The following CGNL1 variants were observed in gnomAD, a reference collection of about 807,000 sequenced individuals.
CGNL1 encodes the protein cingulin like 1, also known as cingulin-like protein 1.
In CGNL1, 132 loss-of-function variants were observed where a neutral mutation model predicts 141.2. That is an observed-to-expected ratio of 0.93 (90% CI 0.81 to 1.08). The LOEUF is 1.08. CGNL1 is among the 50% of genes least tolerant of loss of function. The probability of loss-of-function intolerance (pLI) is 0.00; values close to 1 mark genes in which losing one functional copy is unlikely to be tolerated. For synonymous variants in CGNL1, 690 were observed against 622.1 expected, an observed-to-expected ratio of 1.11 and a Z score of -1.63; for missense variants, 1,870 against 1,588.6, an observed-to-expected ratio of 1.18 and a Z score of -3.01.
intron 13 of CGNL1, among the ~76,000 whole-genome samples, chr15:57,530,487 T>G (rs1223618126): frequency 2.6e-5 from 4 of 152,216 alleles, no homozygotes; most frequent in Non-Finnish European, 5.9e-5. Context: ...AAATTAATTT[T>G]CAAGACTCAA....
At chr15:57,391,510 A>G (rs1456143865) in intron 1 of CGNL1, among the ~76,000 whole-genome samples, 2 of 152,192 alleles carry the variant, frequency 1.3e-5, no homozygotes, top group Admixed American at 1.3e-4. Context: ...ACATGTGCTG[A>G]GTGTGGGATT....
intron 8 of CGNL1, among the ~76,000 whole-genome samples, chr15:57,507,511 T>C (rs1432078254): frequency 6.6e-6 from 1 of 152,176 alleles, no homozygotes; most frequent in Non-Finnish European, 1.5e-5. Flanking sequence ...TGAGTTGCCA[T>C]AGGAAAAACT....
At chr15:57,399,861 T>C (rs573276755) in intron 1 of CGNL1, among the ~76,000 whole-genome samples, 1 of 152,252 alleles carries the variant, frequency 6.6e-6, no homozygotes, top group African/African-American at 2.4e-5. Context: ...CATGAAAACT[T>C]AGACACTAAA....
intron 8 of CGNL1, among the ~76,000 whole-genome samples, chr15:57,501,552 G>C (rs1336733933): frequency 6.6e-6 from 1 of 152,258 alleles, no homozygotes. Context: ...CATGGGATGG[G>C]CTGAGAGGTG....
chr15:57,484,425 A>G (rs1283564403), intron 8 of CGNL1, among the ~76,000 whole-genome samples: 1 of 152,110 alleles, frequency 6.6e-6, no homozygotes, highest in Non-Finnish European at 1.5e-5. Context: ...CTGTGGTAAT[A>G]TATCTTGTTT....
intron 1 of CGNL1, among the ~76,000 whole-genome samples, chr15:57,377,450 G>A (rs2062377246): frequency 6.6e-6 from 1 of 152,140 alleles, no homozygotes; most frequent in South Asian, 2.1e-4. Flanking sequence ...AGACGCCGCA[G>A]GTGATTCTAA....
intron 1 of CGNL1, among the ~76,000 whole-genome samples, chr15:57,419,385 T>G (rs1417598140): frequency 6.6e-6 from 1 of 152,268 alleles, no homozygotes; most frequent in Non-Finnish European, 1.5e-5. Flanking sequence ...ACATTTTTGA[T>G]AAATTATTAT....
chr15:57,440,582 G>C, intron 3 of CGNL1, 111 bp downstream of exon 3: 2 of 814,316 alleles, frequency 2.5e-6, no homozygotes, highest in Non-Finnish European at 4.0e-6. Context: ...TGTGCCAGCC[G>C]TTGGAGGGTT....
intron 2 of CGNL1, 121 bp downstream of exon 2, chr15:57,439,722 A>G (rs1263641433): frequency 2.9e-5 from 29 of 987,184 alleles, no homozygotes; most frequent in Non-Finnish European, 4.2e-5. Flanking sequence ...CAGGAATCAC[A>G]CAGCTGATCT....
intron 8 of CGNL1, among the ~76,000 whole-genome samples, chr15:57,514,596 GT>G (rs1306558806): frequency 1.3e-5 from 2 of 152,078 alleles, no homozygotes; most frequent in African/African-American, 4.8e-5. Context: ...CAGCACAAAA[GT>G]TTTAAATTTT....
intron 4 of CGNL1, among the ~76,000 whole-genome samples, chr15:57,445,744 C>T (rs900807714): frequency 6.6e-6 from 1 of 152,150 alleles, no homozygotes; most frequent in East Asian, 1.9e-4. Context: ...AAGATGCCGC[C>T]GTTTCTAGCT....
intron 1 of CGNL1, among the ~76,000 whole-genome samples, chr15:57,390,145 G>A (rs1230540837): frequency 1.3e-5 from 2 of 152,172 alleles, no homozygotes; most frequent in Non-Finnish European, 2.9e-5. Flanking sequence ...GACCACAAAG[G>A]TTCATTTTCC....
At chr15:57,502,478 CT>C (rs1479448846) in intron 8 of CGNL1, among the ~76,000 whole-genome samples, 2 of 152,140 alleles carry the variant, frequency 1.3e-5, no homozygotes, top group Non-Finnish European at 2.9e-5. Flanking sequence ...AAGTTGGTGT[CT>C]TAAATAATGC....
At chr15:57,422,247 T>G (rs1367001869) in intron 1 of CGNL1, among the ~76,000 whole-genome samples, 1 of 151,896 alleles carries the variant, frequency 6.6e-6, no homozygotes, top group African/African-American at 2.4e-5. Flanking sequence ...ATTGCCTGTT[T>G]CATTTCACAA....
intron 1 of CGNL1, among the ~76,000 whole-genome samples, chr15:57,411,208 G>A (rs527289299): frequency 2.0e-5 from 3 of 152,164 alleles, no homozygotes; most frequent in East Asian, 3.9e-4. Context: ...TTTAGAATAC[G>A]AGCTTATTTT....
At position 57,439,512 on chromosome 15, in the gene CGNL1, ATG is replaced by A; in HGVS notation, c.1515_1516del (p.Met505IlefsTer11). ...EEVKTATATL[M>X]LQNRATATSP... Reference sequence around the variant, plus strand: ...GGTGAAAACAGCCACCGCTACGCTGATGTTACAGAACCGGGCAACAGCAACTT... The same window carrying A: ...GGTGAAAACAGCCACCGCTACGCTGATTACAGAACCGGGCAACAGCAACTT... On this transcript the variant is annotated frameshift_variant, in exon 2 of 19. Coordinates refer to ENST00000281282, the MANE Select transcript of CGNL1 (RefSeq NM_032866.5). LOFTEE classifies it high-confidence loss of function. 1 of 1,614,238 alleles carries A rather than the reference ATG, an allele frequency of 6.2e-7. No homozygotes were observed. Among genetic ancestry groups the A allele is most frequent in the Non-Finnish European group, 8.5e-7 (1 of 1,180,032 alleles).
intron 18 of CGNL1, among the ~76,000 whole-genome samples, chr15:57,546,847 C>T (rs1352062702): frequency 6.6e-6 from 1 of 152,078 alleles, no homozygotes; most frequent in Non-Finnish European, 1.5e-5. Flanking sequence ...TGACGTGGGG[C>T]TCTTTGCTGG....
chr15:57,466,615 G>A (rs1186516912), intron 8 of CGNL1, among the ~76,000 whole-genome samples: 2 of 152,020 alleles, frequency 1.3e-5, no homozygotes, highest in Non-Finnish European at 2.9e-5. Flanking sequence ...TCTTCTACTT[G>A]GTAACACCAT....
At position 57,452,320 on chromosome 15, in the gene CGNL1, T is replaced by C. The variant is rs554162930; in HGVS notation, c.2054+31T>C. 8.8e-5 allele frequency: 141 copies of C among 1,598,470 alleles called. 1 individual carries two copies. The South Asian group carries it at 1.4e-3, about 16-fold the overall frequency. On this transcript the variant is annotated intron_variant, in intron 6 of 18. Transcript: ENST00000281282. ...TTCTGGGCTGAGAGCCTGTTGCCCT[T>C]CCCAGGTTCTCTATGACATGTAGCT...
Sources: gnomAD v4.1 joint callset for allele counts (sites outside exome capture counted in the v4.1 genomes callset) on GRCh38, gnomAD v4.1.1 for gene constraint, MANE v1.5 for transcripts, NCBI Gene and HGNC (gene_info 2026-07-23, HGNC 2026-07-21) for gene names.